The following CHD2 variants were observed in gnomAD, a reference collection of about 807,000 sequenced individuals.
CHD2 encodes chromodomain helicase DNA binding protein 2.
In CHD2, 28 loss-of-function variants were observed where a neutral mutation model predicts 243.9. That is an observed-to-expected ratio of 0.11 (90% confidence interval 0.09 to 0.16). The LOEUF is 0.16. Ranked by LOEUF, CHD2 falls within the 10% of genes least tolerant of loss-of-function variation. The pLI is 1.00. For synonymous variants in CHD2, 775 were observed against 779.0 expected (o/e 0.99, Z 0.09); for missense variants, 1,386 against 2,209.8 (o/e 0.63, Z 7.47).
intron 2 of CHD2, chr15:92,904,463 C>T: frequency 7.1e-6 from 7 of 989,356 alleles, no homozygotes; most frequent in African/African-American, 1.7e-5. Context: ...GCTTTCTCCT[C>T]CCCCTACCCA....
At chr15:93,024,258 G>A (rs1234204542) in intron 38 of CHD2, 114 bp from the exon 39 acceptor site, 15 of 885,044 alleles carry the variant, frequency 1.7e-5, no homozygotes, top group African/African-American at 8.5e-5. Flanking sequence ...TCCTAATAAT[G>A]TGAGCATTTG....
chr15:92,961,548 C>T (rs1320536855), intron 16 of CHD2, among the ~76,000 whole-genome samples: 1 of 151,868 alleles, frequency 6.6e-6, no homozygotes. Flanking sequence ...TGCAGATGTG[C>T]ACCACAATGC....
chr15:92,986,900 T>G (rs1055882136), intron 26 of CHD2, among the ~76,000 whole-genome samples: 3 of 152,004 alleles, frequency 2.0e-5, no homozygotes, highest in South Asian at 2.1e-4. Flanking sequence ...TCTGGCTAAT[T>G]AAAAATTTTT....
intron 2 of CHD2, among the ~76,000 whole-genome samples, chr15:92,908,697 A>G (rs1350467952): frequency 2.0e-5 from 3 of 152,190 alleles, no homozygotes; most frequent in Admixed American, 1.3e-4. Flanking sequence ...TAGTCTTAAT[A>G]GCTGCTTGAG....
chr15:92,949,174 G>GT, intron 13 of CHD2, 98 bp downstream of exon 13: 1 of 1,555,750 alleles, frequency 6.4e-7, no homozygotes, highest in Non-Finnish European at 8.6e-7. Flanking sequence ...CACCCTTATT[G>GT]TATCTCAACC....
intron 22 of CHD2, among the ~76,000 whole-genome samples, chr15:92,980,276 G>A (rs527955711): frequency 3.4e-5 from 5 of 147,000 alleles, no homozygotes; most frequent in African/African-American, 1.0e-4. Context: ...GGCCAGACTG[G>A]TCTCAAACTC....
intron 32 of CHD2, among the ~76,000 whole-genome samples, chr15:93,001,792 T>C (rs2054260290): frequency 1.3e-5 from 2 of 152,180 alleles, no homozygotes; most frequent in African/African-American, 4.8e-5. Flanking sequence ...GCTGGAATTA[T>C]GAGCATGAGC....
intron 5 of CHD2, among the ~76,000 whole-genome samples, chr15:92,932,808 A>T (rs921791264): frequency 4.6e-5 from 6 of 131,058 alleles, no homozygotes; most frequent in African/African-American, 1.6e-4. Flanking sequence ...CCCAGGCTGG[A>T]GTACGATGGC....
intron 2 of CHD2, among the ~76,000 whole-genome samples, chr15:92,919,736 G>A (rs1043214132): frequency 3.9e-5 from 6 of 152,290 alleles, no homozygotes; most frequent in African/African-American, 1.2e-4. Flanking sequence ...TGCTGGTTTT[G>A]TGTAGGGTGG....
chr15:92,930,164 T>C (rs1386482043), intron 5 of CHD2, among the ~76,000 whole-genome samples: 4 of 152,198 alleles, frequency 2.6e-5, no homozygotes, highest in Non-Finnish European at 2.9e-5. Context: ...GAGACTATTA[T>C]CTGCTTACTG....
chr15:92,979,023 A>AT lies in CHD2; in HGVS notation c.2728-110dup, dbSNP rs1200659153. ...ACAGTCTTCTATGGTTAGAGAATAA[A>AT]TTCTGTTAAAATTTTCCCCTCTTGG... On this transcript the variant is annotated intron_variant, in intron 21 of 38. Transcript: ENST00000394196. 3 of 1,389,390 alleles carry AT rather than the reference A, an allele frequency of 2.2e-6. No homozygotes were observed. In the African/African-American group the frequency reaches 4.3e-5, roughly 20 times the overall value. 86.1% of individuals were successfully genotyped at this position (1,389,390 alleles called of 1,614,324 possible). A position where few individuals can be genotyped will look rare whatever the true frequency, so the allele number is the denominator to read the frequency against.
chr15:92,922,256 G>A (rs1257867702), intron 2 of CHD2, among the ~76,000 whole-genome samples: 9 of 151,732 alleles, frequency 5.9e-5, no homozygotes, highest in Admixed American at 5.9e-4. Flanking sequence ...TTACATAAAA[G>A]AGGTCAGTTT....
rs1399226866 is a variant in CHD2 at position 92,955,520 on chromosome 15, A to C, written c.1809+8A>C. On this transcript the variant is annotated splice_region_variant and intron_variant, in intron 15 of 38. Transcript: ENST00000394196. ...ATCCTCTTGAAAGATAAGGTGTGTA[A>C]TTAATATCTAAAAGGCTAAATCTTT... 4 of 1,561,232 alleles carry C rather than the reference A, an allele frequency of 2.6e-6. No individual in the cohort carries two copies. The South Asian group carries it at 4.7e-5, about 18-fold the overall frequency.
chr15:93,005,693 ACT>A (rs1392439973), intron 34 of CHD2, among the ~76,000 whole-genome samples: 1 of 151,938 alleles, frequency 6.6e-6, no homozygotes. Context: ...TTTGCACTTA[ACT>A]CTGTTTTCTT....
chr15:93,022,957 T>C (rs1028302010), intron 38 of CHD2, among the ~76,000 whole-genome samples: 1 of 152,276 alleles, frequency 6.6e-6, no homozygotes, highest in African/African-American at 2.4e-5. Flanking sequence ...ATGGTAAATC[T>C]AGTCCCTGTT....
intron 5 of CHD2, among the ~76,000 whole-genome samples, chr15:92,931,863 C>CTG (rs2053173187): frequency 7.4e-6 from 1 of 134,490 alleles, no homozygotes; most frequent in Non-Finnish European, 1.6e-5. Flanking sequence ...TGCTGACGTA[C>CTG]TTTTTTTTTT....
At chr15:92,935,710 T>C (rs1007477884) in intron 5 of CHD2, among the ~76,000 whole-genome samples, 5 of 152,190 alleles carry the variant, frequency 3.3e-5, no homozygotes, top group African/African-American at 7.2e-5. Flanking sequence ...CATCTTCCTT[T>C]CTTCCTTCCT....
chr15:92,963,196 A>C (rs1385718194), intron 16 of CHD2, among the ~76,000 whole-genome samples: 1 of 152,112 alleles, frequency 6.6e-6, no homozygotes, highest in Non-Finnish European at 1.5e-5. Context: ...ATATGGTTGG[A>C]TTTATTTCTG....
In CHD2 at chr15:92,992,637, T is replaced by C. The variant is rs184071056; in HGVS notation, c.3456-222T>C. Among the ~76,000 whole-genome samples the C allele has an allele frequency of 2.0e-5, 3 of 152,376 alleles. 1 individual carries two copies. The highest frequency in any genetic ancestry group is 3.9e-4 in the East Asian group (2 of 5,184). On this transcript the variant is annotated intron_variant, in intron 27 of 38. Coordinates refer to ENST00000394196, the MANE Select transcript of CHD2 (RefSeq NM_001271.4). ...CTCTGTTTTTTGGAATTATTTTGTT[T>C]TGTGGAATATTCAAGACACAATTCT...
Sources: allele counts gnomAD v4.1 joint callset (sites outside exome capture counted in the v4.1 genomes callset), GRCh38; gene constraint gnomAD v4.1.1; transcripts MANE v1.5; gene names NCBI Gene and HGNC (gene_info 2026-07-23, HGNC 2026-07-21).